Variants in USH2A observed in about 807,000 individuals in gnomAD.
The protein encoded by USH2A is Usher syndrome 2A (autosomal recessive, mild).
Under a neutral mutation model 538.9 loss-of-function variants are expected in USH2A, and 443 were observed. The observed-to-expected ratio is 0.82, with a 90% CI of 0.76 to 0.89. The LOEUF (loss-of-function observed/expected upper bound fraction) is 0.89, where lower values mean the gene tolerates loss of function less well. USH2A is among the 40% of genes least tolerant of loss of function. USH2A has a pLI of 0.00. For synonymous variants in USH2A, 2,413 were observed against 2,273.5 expected (o/e 1.06, Z -1.75); for missense variants, 6,633 against 6,324.8 (o/e 1.05, Z -1.65).
chr1:215,972,184 G>A (rs948612522), intron 35 of USH2A, among the ~76,000 whole-genome samples: 3 of 152,166 alleles, frequency 2.0e-5, no homozygotes, highest in African/African-American at 4.8e-5. Context: ...GGGAGGCACT[G>A]TGAGGAGGAC....
intron 3 of USH2A, among the ~76,000 whole-genome samples, chr1:216,399,290 C>T (rs1464095677): frequency 6.6e-6 from 1 of 152,136 alleles, no homozygotes; most frequent in Admixed American, 6.5e-5. Context: ...CCTCTCCACT[C>T]TCTTCACAGC....
chr1:216,245,507 G>C (rs1369558284), intron 13 of USH2A, among the ~76,000 whole-genome samples: 6 of 143,382 alleles, frequency 4.2e-5, no homozygotes, highest in Admixed American at 2.9e-4. Context: ...GAGAGAGAGA[G>C]AGAGAGAGAG....
intron 58 of USH2A, among the ~76,000 whole-genome samples, chr1:215,744,989 C>T (rs1660431449): frequency 6.6e-6 from 1 of 152,176 alleles, no homozygotes; most frequent in Non-Finnish European, 1.5e-5. Context: ...TTTCAACAGC[C>T]TGCTAGGTAT....
At chr1:216,153,813 A>C (rs1397212420) in intron 21 of USH2A, among the ~76,000 whole-genome samples, 3 of 152,220 alleles carry the variant, frequency 2.0e-5, no homozygotes, top group Non-Finnish European at 4.4e-5. Flanking sequence ...AGTTTTGTGA[A>C]GTAAACAAGG....
intron 61 of USH2A, among the ~76,000 whole-genome samples, chr1:215,724,935 G>A (rs939909731): frequency 6.6e-6 from 1 of 152,166 alleles, no homozygotes; most frequent in African/African-American, 2.4e-5. Context: ...CTGAACAAAG[G>A]GAGATAGACT....
At chr1:216,396,930 T>C (rs1346217804) in intron 3 of USH2A, among the ~76,000 whole-genome samples, 1 of 152,202 alleles carries the variant, frequency 6.6e-6, no homozygotes, top group Non-Finnish European at 1.5e-5. Flanking sequence ...CAATTTCTCT[T>C]CCCCCTGAAG....
At chr1:216,065,386 T>C (rs1257242892) in intron 30 of USH2A, among the ~76,000 whole-genome samples, 2 of 152,236 alleles carry the variant, frequency 1.3e-5, no homozygotes, top group Non-Finnish European at 2.9e-5. Flanking sequence ...ATGGGGAATA[T>C]ATATTTTTAA....
At chr1:215,857,796 AGGT>A (rs1006501715) in intron 44 of USH2A, among the ~76,000 whole-genome samples, 2 of 150,768 alleles carry the variant, frequency 1.3e-5, no homozygotes, top group Non-Finnish European at 2.9e-5. Context: ...GGGCAGCATC[AGGT>A]GGTTGGTTGA....
chr1:216,056,050 A>C (rs2030965341), intron 30 of USH2A, among the ~76,000 whole-genome samples: 1 of 152,210 alleles, frequency 6.6e-6, no homozygotes, highest in East Asian at 1.9e-4. Context: ...AGGACGGTTT[A>C]AACAGTGATT....
rs773012482 is a variant in USH2A at position 215,626,389 on chromosome 1, C to A, written c.15520-519G>T. Among the ~76,000 whole-genome samples the A allele has an allele frequency of 4.0e-5, 6 of 151,388 alleles. No homozygotes were observed. The South Asian group carries it at 1.3e-3, about 32-fold the overall frequency. The stretch of plus-strand genomic sequence containing the variant: ...ATGTTGGCCAGTCTGGTCTTGAACT[C>A]CTGACCTCTGGTGATCTGTATATAT... On this transcript the variant is annotated intron_variant, in intron 71 of 71. Coordinates refer to ENST00000307340, the MANE Select transcript of USH2A (RefSeq NM_206933.4).
At chr1:215,967,460 C>A (rs145411409) in intron 36 of USH2A, among the ~76,000 whole-genome samples, 2 of 152,134 alleles carry the variant, frequency 1.3e-5, no homozygotes, top group Non-Finnish European at 2.9e-5. Context: ...AGCCACCATG[C>A]CTGGCCATAA....
At chr1:216,000,894 T>C (rs1265306638) in intron 32 of USH2A, among the ~76,000 whole-genome samples, 2 of 152,154 alleles carry the variant, frequency 1.3e-5, no homozygotes, top group Non-Finnish European at 2.9e-5. Flanking sequence ...AAATGAGATG[T>C]TTAAATTATT....
intron 21 of USH2A, among the ~76,000 whole-genome samples, chr1:216,138,874 A>T (rs2033540898): frequency 6.6e-6 from 1 of 151,918 alleles, no homozygotes; most frequent in African/African-American, 2.4e-5. Context: ...ATTCAACATA[A>T]ATGAGCTTTT....
At position 215,900,115 on chromosome 1, in the gene USH2A, A is replaced by G. The variant is rs778898550; in HGVS notation, c.7554T>C (p.Ser2518=). Residue 2518 remains serine, a synonymous_variant, in exon 40 of 72, where the codon AGT becomes AGC. Coordinates refer to ENST00000307340, the MANE Select transcript of USH2A (RefSeq NM_206933.4). ...TGAATGGAATCCAAGAACTATGTGC[A>G]CTGCCAAATCCATTGGAGGCAACCA... The part of the protein sequence containing the change: ...FRLVASNGFG[S]AHSSWIPFMT... 3.1e-6 allele frequency: 5 copies of G among 1,613,804 alleles called. No homozygotes were observed. The highest frequency in any genetic ancestry group is 4.2e-6 in the Non-Finnish European group (5 of 1,179,786).
At chr1:215,696,709 G>T (rs969148822) in intron 61 of USH2A, among the ~76,000 whole-genome samples, 2 of 152,058 alleles carry the variant, frequency 1.3e-5, no homozygotes, top group Non-Finnish European at 2.9e-5. Context: ...TCATTTATCA[G>T]CTTAAATTAC....
At chr1:216,238,435 A>AT (rs771526965) in intron 13 of USH2A, among the ~76,000 whole-genome samples, 31 of 152,274 alleles carry the variant, frequency 2.0e-4, no homozygotes, top group Non-Finnish European at 3.8e-4. Flanking sequence ...CTGGGAAAAC[A>AT]TATTTAGTGT....
At chr1:215,671,373 A>T (rs1657811859) in intron 63 of USH2A, 80 bp from the exon 64 acceptor site, 3 of 1,032,578 alleles carry the variant, frequency 2.9e-6, no homozygotes, top group Non-Finnish European at 2.7e-6. Context: ...ACCAGGCCTT[A>T]AAAAAAAAAG....
At chr1:216,063,847 A>T (rs537759071) in intron 30 of USH2A, among the ~76,000 whole-genome samples, 1 of 152,322 alleles carries the variant, frequency 6.6e-6, no homozygotes, top group East Asian at 1.9e-4. Context: ...AAGAATTAAG[A>T]TCCTATGGCA....
chr1:216,319,096 C>T (rs963820938), intron 9 of USH2A, among the ~76,000 whole-genome samples: 4 of 152,128 alleles, frequency 2.6e-5, no homozygotes, highest in African/African-American at 9.7e-5. Flanking sequence ...CTTGCAAATA[C>T]TAGACATATT....
Sources: gnomAD v4.1 joint callset for allele counts (sites outside exome capture counted in the v4.1 genomes callset) on GRCh38, gnomAD v4.1.1 for gene constraint, MANE v1.5 for transcripts, NCBI Gene and HGNC (gene_info 2026-07-23, HGNC 2026-07-21) for gene names.